The following SLC25A21 variants were observed in gnomAD, a reference collection of about 807,000 sequenced individuals.
The protein encoded by SLC25A21 is mitochondrial 2-oxodicarboxylate carrier.
Under a neutral mutation model 43.8 loss-of-function variants are expected in SLC25A21, and 47 were observed. That is an observed-to-expected ratio of 1.07 (90% CI 0.85 to 1.37). The LOEUF is 1.37. Among genes scored for constraint, SLC25A21 ranks in the 40% most tolerant of loss-of-function variants. The pLI is 0.00. For missense variants in SLC25A21, 352 were observed against 350.2 expected, an observed-to-expected ratio of 1.00 and a Z score of -0.04; for synonymous variants, 131 against 121.3, an observed-to-expected ratio of 1.08 and a Z score of -0.52.
chr14:36,749,307 T>C (rs543882984), intron 3 of SLC25A21, among the ~76,000 whole-genome samples: 7 of 152,318 alleles, frequency 4.6e-5, no homozygotes, highest in African/African-American at 1.7e-4. Context: ...CATCAGTGAA[T>C]AGCAACTCCA....
At chr14:36,951,794 C>T (rs1892817242) in intron 1 of SLC25A21, among the ~76,000 whole-genome samples, 2 of 152,262 alleles carry the variant, frequency 1.3e-5, no homozygotes, top group South Asian at 4.1e-4. Context: ...ATCACAACTG[C>T]TAAGACCCTG....
chr14:37,056,406 C>T (rs1338028116), intron 1 of SLC25A21, among the ~76,000 whole-genome samples: 2 of 151,118 alleles, frequency 1.3e-5, no homozygotes, highest in Non-Finnish European at 2.9e-5. Flanking sequence ...AGGAGAATGG[C>T]GTGAACCCCG....
intron 1 of SLC25A21, among the ~76,000 whole-genome samples, chr14:37,038,563 T>C (rs1001534861): frequency 2.0e-5 from 3 of 152,212 alleles, no homozygotes; most frequent in Admixed American, 6.5e-5. Context: ...ATTTAAGGAA[T>C]AGGAGTTTCC....
chr14:36,889,116 C>A (rs1031645146), intron 1 of SLC25A21, among the ~76,000 whole-genome samples: 6 of 152,164 alleles, frequency 3.9e-5, no homozygotes, highest in Admixed American at 2.6e-4. Flanking sequence ...TTCTGACTTA[C>A]TGAGCCAAGT....
chr14:36,699,382 C>T (rs182804863), intron 7 of SLC25A21, among the ~76,000 whole-genome samples: 27 of 152,288 alleles, frequency 1.8e-4, no homozygotes, highest in Non-Finnish European at 3.7e-4. Context: ...GGAGGTGTCT[C>T]CCAGTTAGGC....
intron 3 of SLC25A21, among the ~76,000 whole-genome samples, chr14:36,741,622 AG>A (rs1885267436): frequency 6.6e-6 from 1 of 152,218 alleles, no homozygotes; most frequent in Non-Finnish European, 1.5e-5. Flanking sequence ...ACATTATCTG[AG>A]CCTGAAAATA....
intron 1 of SLC25A21, among the ~76,000 whole-genome samples, chr14:37,103,232 T>C (rs143916187): frequency 2.0e-5 from 3 of 152,260 alleles, no homozygotes; most frequent in African/African-American, 7.2e-5. Context: ...GAGAAAAGAT[T>C]TGCATATCTC....
chr14:36,894,901 C>T (rs528535410), intron 1 of SLC25A21, among the ~76,000 whole-genome samples: 261 of 152,160 alleles, frequency 1.7e-3, no homozygotes, highest in African/African-American at 5.6e-3. Flanking sequence ...CACTTGATCA[C>T]GGTGGATAAG....
intron 1 of SLC25A21, among the ~76,000 whole-genome samples, chr14:37,146,739 T>C (rs1032957520): frequency 6.6e-6 from 1 of 152,188 alleles, no homozygotes; most frequent in African/African-American, 2.4e-5. Context: ...AACTAGGGTA[T>C]TTTATTTTAA....
At chr14:36,683,964 C>T in intron 8 of SLC25A21, 84 bp from the exon 9 acceptor site, 1 of 942,456 alleles carries the variant, frequency 1.1e-6, no homozygotes, top group South Asian at 1.6e-5. Flanking sequence ...AGGGACCCAG[C>T]ATTTAAAAAA....
At chr14:36,896,178 T>C (rs897837698) in intron 1 of SLC25A21, among the ~76,000 whole-genome samples, 2 of 152,166 alleles carry the variant, frequency 1.3e-5, no homozygotes, top group African/African-American at 4.8e-5. Context: ...GGAGTCTAAG[T>C]CTCTTTGTAG....
chr14:36,964,610 G>A (rs921297044), intron 1 of SLC25A21, among the ~76,000 whole-genome samples: 1 of 152,216 alleles, frequency 6.6e-6, no homozygotes, highest in Non-Finnish European at 1.5e-5. Context: ...CCTCTTGTGA[G>A]AGTGCAATAA....
intron 3 of SLC25A21, among the ~76,000 whole-genome samples, chr14:36,805,167 T>G (rs574508276): frequency 4.2e-4 from 64 of 152,290 alleles, no homozygotes; most frequent in South Asian, 8.3e-4. Context: ...TGAGGGAGGC[T>G]GTGTTTGGTC....
At chr14:36,882,475 A>C (rs1207548779) in intron 1 of SLC25A21, among the ~76,000 whole-genome samples, 1 of 152,190 alleles carries the variant, frequency 6.6e-6, no homozygotes, top group Non-Finnish European at 1.5e-5. Context: ...AGTATTCAAC[A>C]CCAGACACTG....
chr14:37,017,471 T>C lies in SLC25A21; in HGVS notation c.71-142467A>G, dbSNP rs534970626. Reference sequence around the variant, plus strand: ...TAGTAACATCAAAGATTACTGATCATAGAACATCATAACAGATGTAATAAT... The same window carrying C: ...TAGTAACATCAAAGATTACTGATCACAGAACATCATAACAGATGTAATAAT... On this transcript the variant is annotated intron_variant, in intron 1 of 9. Coordinates refer to ENST00000331299, the MANE Select transcript of SLC25A21 (RefSeq NM_030631.4). Among the ~76,000 whole-genome samples the C allele has an allele frequency of 1.4e-4, 21 of 152,176 alleles. 1 individual carries two copies. Among genetic ancestry groups the C allele is most frequent in the Admixed American group, 3.9e-4 (6 of 15,254 alleles).
intron 1 of SLC25A21, among the ~76,000 whole-genome samples, chr14:37,060,620 C>T (rs946649636): frequency 2.6e-5 from 4 of 151,758 alleles, no homozygotes; most frequent in Non-Finnish European, 4.4e-5. Context: ...CACACACACA[C>T]ACACACAATG....
intron 1 of SLC25A21, among the ~76,000 whole-genome samples, chr14:37,099,987 T>G (rs149001231): frequency 6.6e-6 from 1 of 152,178 alleles, no homozygotes; most frequent in Admixed American, 6.6e-5. Context: ...CTCCTCTCCC[T>G]GGCAATTTCT....
In SLC25A21 at chr14:36,863,717, C is replaced by G. The variant is rs78379863; in HGVS notation, c.119+11239G>C. Among the ~76,000 whole-genome samples, 277 of 152,204 alleles carry G rather than the reference C, an allele frequency of 1.8e-3. 12 individuals carry two copies. The East Asian group carries it at 0.051, about 28-fold the overall frequency. On this transcript the variant is annotated intron_variant, in intron 2 of 9. Transcript: ENST00000331299. ...ATTCTTCTGCACATAATCTTGGGGA[C>G]CAATTTTTTCCTCAATGCCTCAGGC...
In SLC25A21 at chr14:36,757,688, C is replaced by T. The variant is rs76687112; in HGVS notation, c.204-23115G>A. 1.4e-3 allele frequency among the ~76,000 whole-genome samples: 217 copies of T among 152,308 alleles called. 4 individuals carry two copies. In the East Asian group the frequency reaches 0.034, roughly 24 times the overall value. Reference sequence around the variant, plus strand: ...ACTAGTCTCAATACTTATGGACATGCAGGTGGTTTCTACATTCTGCTTATA... The same window carrying T: ...ACTAGTCTCAATACTTATGGACATGTAGGTGGTTTCTACATTCTGCTTATA... On this transcript the variant is annotated intron_variant, in intron 3 of 9. Transcript: ENST00000331299.
Sources: gnomAD v4.1 joint callset for allele counts (sites outside exome capture counted in the v4.1 genomes callset) on GRCh38, gnomAD v4.1.1 for gene constraint, MANE v1.5 for transcripts, NCBI Gene and HGNC (gene_info 2026-07-23, HGNC 2026-07-21) for gene names.